Variants in NRXN3 observed in about 807,000 individuals in gnomAD.
NRXN3 encodes neurexin 3.
Under a neutral mutation model 137.6 loss-of-function variants are expected in NRXN3, and 32 were observed. That is an observed-to-expected ratio of 0.23 (90% CI 0.18 to 0.31). The LOEUF (loss-of-function observed/expected upper bound fraction) is 0.31, where lower values mean the gene tolerates loss of function less well. NRXN3 is among the 10% of genes least tolerant of loss of function. The probability of loss-of-function intolerance (pLI) is 1.00; values close to 1 mark genes in which losing one functional copy is unlikely to be tolerated. For synonymous variants in NRXN3, 798 were observed against 784.5 expected (o/e 1.02, Z -0.29); for missense variants, 1,574 against 2,062.5 (o/e 0.76, Z 4.59).
chr14:79,212,317 A>C lies in NRXN3; in HGVS notation c.3262+224176A>C, dbSNP rs1015770977. ...TTTTCTTTCTAGGCTTCTTTGGAGAAAGACTGTGAAATGATTTATTCCTCT... is the reference window on the plus strand; with the variant it reads ...TTTTCTTTCTAGGCTTCTTTGGAGACAGACTGTGAAATGATTTATTCCTCT... On this transcript the variant is annotated intron_variant, in intron 15 of 20. Transcript: ENST00000335750. Among the ~76,000 whole-genome samples the C allele has an allele frequency of 2.6e-5, 4 of 152,328 alleles. No individual in the cohort carries two copies. The South Asian group carries it at 8.3e-4, about 32-fold the overall frequency.
intron 15 of NRXN3, among the ~76,000 whole-genome samples, chr14:79,393,688 G>A (rs929235717): frequency 1.8e-4 from 27 of 152,038 alleles, no homozygotes; most frequent in African/African-American, 4.8e-4. Context: ...GGTGGCGGGC[G>A]CCTATAGTCC....
intron 15 of NRXN3, among the ~76,000 whole-genome samples, chr14:79,269,291 C>T (rs577673291): frequency 2.0e-5 from 3 of 152,240 alleles, no homozygotes; most frequent in African/African-American, 7.2e-5. Flanking sequence ...CCTTGTGATC[C>T]ACCCACCTTG....
chr14:79,281,414 G>A (rs768442571), intron 15 of NRXN3, among the ~76,000 whole-genome samples: 1 of 152,112 alleles, frequency 6.6e-6, no homozygotes, highest in Non-Finnish European at 1.5e-5. Context: ...GCTGTTAGCC[G>A]GCTGCCTCTA....
At chr14:79,270,917 C>T (rs2079194060) in intron 15 of NRXN3, among the ~76,000 whole-genome samples, 1 of 152,128 alleles carries the variant, frequency 6.6e-6, no homozygotes, top group African/African-American at 2.4e-5. Context: ...CCCTTATTCC[C>T]CATATTGCAA....
intron 16 of NRXN3, among the ~76,000 whole-genome samples, chr14:79,531,331 G>A (rs371637298): frequency 7.8e-4 from 119 of 152,286 alleles, no homozygotes; most frequent in African/African-American, 2.6e-3. Flanking sequence ...TTGGATTTGA[G>A]CTTCATTTAA....
At chr14:78,499,223 A>G (rs900085663) in intron 4 of NRXN3, among the ~76,000 whole-genome samples, 11 of 151,872 alleles carry the variant, frequency 7.2e-5, no homozygotes, top group African/African-American at 2.7e-4. Context: ...CATGTTTATG[A>G]AGGTAGGTAA....
intron 16 of NRXN3, among the ~76,000 whole-genome samples, chr14:79,534,896 C>T (rs1161219710): frequency 2.0e-5 from 3 of 152,182 alleles, no homozygotes; most frequent in South Asian, 2.1e-4. Flanking sequence ...GCGCATGCGT[C>T]ACACCATGAA....
At chr14:79,057,453 C>G (rs1429471568) in intron 15 of NRXN3, among the ~76,000 whole-genome samples, 1 of 152,068 alleles carries the variant, frequency 6.6e-6, no homozygotes, top group African/African-American at 2.4e-5. Context: ...TATTCTACGA[C>G]TGAAAATGGC....
intron 15 of NRXN3, among the ~76,000 whole-genome samples, chr14:79,413,637 A>G (rs1389148973): frequency 6.6e-6 from 1 of 152,042 alleles, no homozygotes; most frequent in Non-Finnish European, 1.5e-5. Flanking sequence ...AGGCACTTTT[A>G]CATAGAGGGT....
chr14:78,393,189 T>C (rs1407519035), intron 4 of NRXN3, among the ~76,000 whole-genome samples: 1 of 152,112 alleles, frequency 6.6e-6, no homozygotes, highest in Non-Finnish European at 1.5e-5. Context: ...TGTGATTTTT[T>C]TTTTTTACTT....
At chr14:78,950,558 G>T (rs1026943507) in intron 10 of NRXN3, among the ~76,000 whole-genome samples, 1 of 151,616 alleles carries the variant, frequency 6.6e-6, no homozygotes, top group Non-Finnish European at 1.5e-5. Context: ...TAAGGCATAG[G>T]TTACAGCACA....
intron 8 of NRXN3, among the ~76,000 whole-genome samples, chr14:78,752,226 G>A (rs1325979910): frequency 2.0e-5 from 3 of 152,178 alleles, no homozygotes; most frequent in Non-Finnish European, 4.4e-5. Context: ...GGGCAACAGG[G>A]TGAAACCCTG....
At chr14:78,541,242 C>G (rs1410727105) in intron 4 of NRXN3, among the ~76,000 whole-genome samples, 1 of 152,224 alleles carries the variant, frequency 6.6e-6, no homozygotes, top group Non-Finnish European at 1.5e-5. Context: ...CCATCACTTT[C>G]AGGGAAACCA....
intron 20 of NRXN3, among the ~76,000 whole-genome samples, chr14:79,818,809 A>C (rs2099261417): frequency 6.6e-6 from 1 of 152,246 alleles, no homozygotes; most frequent in African/African-American, 2.4e-5. Flanking sequence ...ACAATTAAAA[A>C]GGAAACATAA....
At chr14:78,628,635 A>G (rs1180596952) in intron 4 of NRXN3, among the ~76,000 whole-genome samples, 1 of 152,232 alleles carries the variant, frequency 6.6e-6, no homozygotes, top group Non-Finnish European at 1.5e-5. Context: ...ATGGTTGGGT[A>G]CAAAGAGGAA....
intron 3 of NRXN3, among the ~76,000 whole-genome samples, chr14:78,279,255 G>A (rs564445143): frequency 1.4e-4 from 22 of 152,272 alleles, no homozygotes; most frequent in African/African-American, 4.3e-4. Flanking sequence ...AAAGAACCAC[G>A]TTTATAATAA....
chr14:78,627,597 G>A (rs1230433919), intron 4 of NRXN3, among the ~76,000 whole-genome samples: 1 of 152,156 alleles, frequency 6.6e-6, no homozygotes, highest in Admixed American at 6.5e-5. Context: ...CTGGGAATTA[G>A]GAATCTAACA....
At chr14:78,902,510 A>T (rs910423410) in intron 10 of NRXN3, among the ~76,000 whole-genome samples, 6 of 152,076 alleles carry the variant, frequency 3.9e-5, no homozygotes, top group Non-Finnish European at 8.8e-5. Context: ...CTTGAGGAGA[A>T]ATAAAAGCAG....
chr14:78,965,898 T>C, intron 11 of NRXN3, 127 bp from the exon 12 acceptor site: 1 of 1,087,916 alleles, frequency 9.2e-7, no homozygotes, highest in Non-Finnish European at 1.3e-6. Flanking sequence ...TATTTGGTTT[T>C]CTTGAACTCA....
Sources: gnomAD v4.1 joint callset for allele counts (sites outside exome capture counted in the v4.1 genomes callset) on GRCh38, gnomAD v4.1.1 for gene constraint, MANE v1.5 for transcripts, NCBI Gene and HGNC (gene_info 2026-07-23, HGNC 2026-07-21) for gene names.